The following FAM227B variants were observed in gnomAD, a reference collection of about 807,000 sequenced individuals.
FAM227B encodes protein FAM227B.
In FAM227B, 88 loss-of-function variants were observed where a neutral mutation model predicts 73.8. The observed-to-expected ratio is 1.19, with a 90% CI of 1.00 to 1.42. The LOEUF is 1.42. Among genes scored for constraint, FAM227B ranks in the 40% most tolerant of loss-of-function variants. The pLI is 0.00. For missense variants in FAM227B, 632 were observed against 590.9 expected, an observed-to-expected ratio of 1.07 and a Z score of -0.72; for synonymous variants, 210 against 190.5, an observed-to-expected ratio of 1.10 and a Z score of -0.84.
intron 13 of FAM227B, chr15:49,366,720 G>A (rs1217839244): frequency 7.8e-6 from 9 of 1,157,574 alleles, no homozygotes; most frequent in African/African-American, 5.9e-5. Context: ...GGCGCGGCGC[G>A]GCTCACTAGG....
chr15:49,341,239 G>A (rs1292571034), intron 13 of FAM227B, among the ~76,000 whole-genome samples: 1 of 151,886 alleles, frequency 6.6e-6, no homozygotes, highest in Non-Finnish European at 1.5e-5. Context: ...ATTTTTTTTG[G>A]CTATTTGGGC....
intron 9 of FAM227B, among the ~76,000 whole-genome samples, chr15:49,550,615 G>A (rs1178723630): frequency 5.9e-5 from 9 of 152,046 alleles, no homozygotes; most frequent in Non-Finnish European, 1.3e-4. Flanking sequence ...GGTCACGGCC[G>A]GGTAGAGGCG....
At chr15:49,455,577 T>A (rs182851073) in intron 11 of FAM227B, among the ~76,000 whole-genome samples, 1 of 152,272 alleles carries the variant, frequency 6.6e-6, no homozygotes, top group African/African-American at 2.4e-5. Context: ...TCGTCAGTTA[T>A]AAAAAAGTTT....
intron 6 of FAM227B, 145 bp from the exon 7 acceptor site, chr15:49,576,990 T>C (rs1310620212): frequency 1.5e-5 from 9 of 583,428 alleles, no homozygotes; most frequent in Non-Finnish European, 2.7e-5. Flanking sequence ...CTAAAAATTA[T>C]ATAACCCATC....
chr15:49,565,144 G>C (rs747973883), intron 9 of FAM227B, among the ~76,000 whole-genome samples: 4 of 152,080 alleles, frequency 2.6e-5, no homozygotes, highest in Non-Finnish European at 5.9e-5. Flanking sequence ...AGCACTTTGG[G>C]AGGCTGAGGT....
chr15:49,578,461 T>C (rs1283491268), intron 5 of FAM227B, among the ~76,000 whole-genome samples: 1 of 133,282 alleles, frequency 7.5e-6, no homozygotes, highest in Non-Finnish European at 1.6e-5. Context: ...ATACATACTA[T>C]AGACAGACAT....
At chr15:49,573,065 G>C (rs1245408274) in intron 8 of FAM227B, among the ~76,000 whole-genome samples, 1 of 150,280 alleles carries the variant, frequency 6.7e-6, no homozygotes, top group South Asian at 2.1e-4. Flanking sequence ...TTCTAATGCA[G>C]GCATTTTAAT....
rs569710371 is a variant in FAM227B at position 49,597,986 on chromosome 15, T to C, written c.106-7979A>G. Among the ~76,000 whole-genome samples, 44 of 151,596 alleles carry C rather than the reference T, an allele frequency of 2.9e-4. 1 individual carries two copies. In the East Asian group the frequency reaches 5.6e-3, roughly 19 times the overall value. On this transcript the variant is annotated intron_variant, in intron 3 of 15. Transcript: ENST00000299338. ...TAATATTGAAATGGTAATAAATAAT[T>C]ACCAACAAAAAAAAAGTCCAGGACA...
At chr15:49,582,712 T>G (rs1256506845) in intron 5 of FAM227B, among the ~76,000 whole-genome samples, 1 of 152,158 alleles carries the variant, frequency 6.6e-6, no homozygotes, top group Non-Finnish European at 1.5e-5. Context: ...ACTCTAAACT[T>G]GATCACATAA....
chr15:49,331,217 A>G (rs2038671419), intron 15 of FAM227B: 1 of 152,628 alleles, frequency 6.6e-6, no homozygotes, highest in Admixed American at 6.5e-5. Flanking sequence ...CATATTGTAC[A>G]CTAGTCTCTA....
chr15:49,475,997 C>T (rs1370308668), intron 11 of FAM227B, among the ~76,000 whole-genome samples: 3 of 152,284 alleles, frequency 2.0e-5, no homozygotes, highest in Admixed American at 1.3e-4. Context: ...TCCAGACATA[C>T]AGCTCTAGTT....
intron 3 of FAM227B, among the ~76,000 whole-genome samples, chr15:49,594,873 G>T (rs1008971627): frequency 6.6e-6 from 1 of 152,000 alleles, no homozygotes; most frequent in African/African-American, 2.4e-5. Context: ...CTCCAGATTT[G>T]TTCTTTTTGC....
rs1433910717 is a variant in FAM227B, at chr15:49,613,571, T to C, written c.51+1550A>G. 3.9e-5 allele frequency among the ~76,000 whole-genome samples: 6 copies of C among 152,224 alleles called. 1 individual carries two copies. In the East Asian group the frequency reaches 1.2e-3, roughly 29 times the overall value. On this transcript the variant is annotated intron_variant, in intron 2 of 15. Transcript: ENST00000299338. ...TCTAATATTCGATAGCACAACTGGC[T>C]AACTATAGTCAACAATAATTTACTG...
In FAM227B at chr15:49,367,569, G is replaced by A. The variant is rs1438888750; in HGVS notation, c.1150C>T (p.Leu384Phe). Residue 384 changes from leucine (L) to phenylalanine (F), a missense_variant, in exon 13 of 16, where the codon CTC (leucine) becomes TTC (phenylalanine). Physicochemically the swap from Leu to Phe is conservative, Grantham distance 22 (BLOSUM62 0). Transcript: ENST00000299338. ...SSTGPEFNRV[L>F]FNFGGQSPLI... ...GGACTCTGACCTCCAAAATTGAAGAGAACACGATTAAACTCTGGACCAGTA... is the reference window on the plus strand; with the variant it reads ...GGACTCTGACCTCCAAAATTGAAGAAAACACGATTAAACTCTGGACCAGTA... 1 of 1,601,908 alleles carries A rather than the reference G, an allele frequency of 6.2e-7. No individual in the cohort carries two copies. Among genetic ancestry groups the A allele is most frequent in the East Asian group, 2.2e-5 (1 of 44,516 alleles).
At chr15:49,512,202 T>C (rs1013021633) in intron 10 of FAM227B, among the ~76,000 whole-genome samples, 9 of 152,288 alleles carry the variant, frequency 5.9e-5, no homozygotes, top group African/African-American at 1.9e-4. Context: ...TTGCATTCAA[T>C]GAATGATTCC....
At chr15:49,497,354 G>A (rs1281040136) in intron 11 of FAM227B, among the ~76,000 whole-genome samples, 2 of 152,100 alleles carry the variant, frequency 1.3e-5, no homozygotes, top group Admixed American at 6.5e-5. Flanking sequence ...CCAGACTGGG[G>A]GTAAGGTACA....
At chr15:49,527,560 T>A (rs2060296342) in intron 10 of FAM227B, among the ~76,000 whole-genome samples, 1 of 151,746 alleles carries the variant, frequency 6.6e-6, no homozygotes, top group African/African-American at 2.4e-5. Flanking sequence ...GGAAAAAAGG[T>A]CAAATTATTT....
intron 5 of FAM227B, among the ~76,000 whole-genome samples, chr15:49,584,592 CATT>C (rs1273055692): frequency 2.0e-5 from 3 of 152,104 alleles, no homozygotes; most frequent in African/African-American, 7.2e-5. Flanking sequence ...TTTCAGGTGA[CATT>C]ATCCTATACC....
chr15:49,398,157 A>G (rs1271589832), intron 11 of FAM227B, among the ~76,000 whole-genome samples: 1 of 152,190 alleles, frequency 6.6e-6, no homozygotes, highest in Admixed American at 6.5e-5. Context: ...AGGAAGATCT[A>G]CCAAGCCAAT....
Sources: gnomAD v4.1 joint callset for allele counts (sites outside exome capture counted in the v4.1 genomes callset) on GRCh38, gnomAD v4.1.1 for gene constraint, MANE v1.5 for transcripts, NCBI Gene and HGNC (gene_info 2026-07-23, HGNC 2026-07-21) for gene names.